The following ASH1L variants were observed in gnomAD, a reference collection of about 807,000 sequenced individuals.
ASH1L encodes histone-lysine N-methyltransferase ASH1L.
In ASH1L, 23 loss-of-function variants were observed where a neutral mutation model predicts 269.0. The observed-to-expected ratio is 0.09, with a 90% CI of 0.06 to 0.12. ASH1L has a LOEUF of 0.12. Among genes scored for constraint, ASH1L ranks in the 10% least tolerant of loss-of-function variants. The pLI, the probability that ASH1L is intolerant of heterozygous loss-of-function variation, is 1.00. For synonymous variants in ASH1L, 1,187 were observed against 1,253.5 expected (o/e 0.95, Z 1.12); for missense variants, 2,912 against 3,567.8 (o/e 0.82, Z 4.68).
At chr1:155,433,341 GCT>G (rs1661766337) in intron 5 of ASH1L, 1 of 1,588,798 alleles carries the variant, frequency 6.3e-7, no homozygotes. Flanking sequence ...GTTGGGTCAG[GCT>G]CTGAGGTGTG....
At chr1:155,459,926 A>C (rs775420752) in intron 3 of ASH1L, 28 bp from the exon 4 acceptor site, 11 of 1,525,926 alleles carry the variant, frequency 7.2e-6, no homozygotes, top group Admixed American at 6.6e-5. Context: ...GATAGAAATC[A>C]TAGGAAAATT....
intron 1 of ASH1L, among the ~76,000 whole-genome samples, chr1:155,527,611 A>G (rs972242764): frequency 7.1e-6 from 1 of 140,746 alleles, no homozygotes; most frequent in Non-Finnish European, 1.5e-5. Flanking sequence ...ATCATAGCTC[A>G]CTGCAGCCTC....
intron 12 of ASH1L, 98 bp downstream of exon 12, chr1:155,370,406 C>T (rs1655838998): frequency 2.6e-6 from 4 of 1,517,428 alleles, no homozygotes; most frequent in South Asian, 2.4e-5. Context: ...GCCTGAGCTG[C>T]TTTGTGTAAG....
intron 4 of ASH1L, among the ~76,000 whole-genome samples, chr1:155,454,945 A>C (rs1663771838): frequency 6.6e-6 from 1 of 152,150 alleles, no homozygotes; most frequent in African/African-American, 2.4e-5. Flanking sequence ...TTGCTCAGTA[A>C]TAAAATTATA....
At chr1:155,562,947 C>G (rs1409287617), upstream of ASH1L, 1 of 456,876 alleles carries the variant, frequency 2.2e-6, no homozygotes, top group Non-Finnish European at 4.4e-6. Flanking sequence ...CCACAATCCC[C>G]CCCGCGGGAC....
chr1:155,542,089 T>C (rs1670459781), intron 1 of ASH1L, among the ~76,000 whole-genome samples: 2 of 152,108 alleles, frequency 1.3e-5, no homozygotes, highest in Admixed American at 6.6e-5. Context: ...AGATCAAAAA[T>C]ATAACTGCAA....
intron 4 of ASH1L, among the ~76,000 whole-genome samples, chr1:155,447,395 A>G (rs1663117595): frequency 6.6e-6 from 1 of 151,962 alleles, no homozygotes; most frequent in African/African-American, 2.4e-5. Flanking sequence ...GAGACTGGCT[A>G]ATTTTTATAT....
rs969219410 is a variant in ASH1L, at chr1:155,556,404, G to A, written c.-100+5749C>T. ...AATATAAATATACATATATATACGT[G>A]TGTGTGTGTGTGTGTGTGTGTGTGT... is the stretch of plus-strand genomic sequence containing the variant. On this transcript the variant is annotated intron_variant, in intron 1 of 27. Transcript: ENST00000392403. 3.7e-4 allele frequency among the ~76,000 whole-genome samples: 5 copies of A among 13,588 alleles called. No individual in the cohort carries two copies. The Non-Finnish European group carries it at 4.5e-3, about 12-fold the overall frequency. 8.9% of individuals were successfully genotyped at this position (13,588 alleles called of 152,430 possible). A position where few individuals can be genotyped will look rare whatever the true frequency, so the allele number is the denominator to read the frequency against.
intron 2 of ASH1L, among the ~76,000 whole-genome samples, chr1:155,504,935 A>G (rs934538910): frequency 2.6e-5 from 4 of 152,118 alleles, no homozygotes; most frequent in African/African-American, 9.7e-5. Context: ...AAATTTCTGA[A>G]ACAGAAAAAT....
At position 155,356,676 on chromosome 1, in the gene ASH1L, C is replaced by T. The variant is rs188468330; in HGVS notation, c.7055+640G>A. ...AAAAAAAACAACAAAAAACCAAGGT[C>T]TTTCCATGTTGCCGAAGATGGTCTT... On this transcript the variant is annotated intron_variant, in intron 15 of 27. Transcript: ENST00000392403. Among the ~76,000 whole-genome samples, 628 of 151,212 alleles carry T rather than the reference C, an allele frequency of 4.2e-3. 4 individuals are homozygous for T. The highest frequency in any genetic ancestry group is 0.012 in the Admixed American group (189 of 15,148).
At chr1:155,512,376 C>G (rs947233859) in intron 2 of ASH1L, among the ~76,000 whole-genome samples, 2 of 150,654 alleles carry the variant, frequency 1.3e-5, no homozygotes, top group African/African-American at 4.9e-5. Context: ...GAGATCACGC[C>G]ACTGCATGCA....
rs1444459492 is a variant in ASH1L, at chr1:155,439,560, C to T, written c.5087-492G>A. Among the ~76,000 whole-genome samples, 3 of 151,994 alleles carry T rather than the reference C, an allele frequency of 2.0e-5. No individual in the cohort carries two copies. The East Asian group carries it at 5.8e-4, about 29-fold the overall frequency. On this transcript the variant is annotated intron_variant, in intron 4 of 27. Coordinates refer to ENST00000392403, the MANE Select transcript of ASH1L (RefSeq NM_018489.3). ...AAACAATATAAAAAAATTAGCCAGG[C>T]ATGCTGGCTGAAACCTATGGTCACA...
intron 25 of ASH1L, among the ~76,000 whole-genome samples, chr1:155,340,246 C>T (rs984833005): frequency 9.2e-5 from 14 of 152,038 alleles, no homozygotes; most frequent in African/African-American, 3.4e-4. Context: ...TACAGTGGTG[C>T]GATCTTGGCT....
chr1:155,473,490 C>CTTTT (rs1198354857), intron 3 of ASH1L, among the ~76,000 whole-genome samples: 6 of 142,350 alleles, frequency 4.2e-5, no homozygotes, highest in African/African-American at 1.7e-4. Flanking sequence ...TGTAGTATTT[C>CTTTT]TATTTTTTTT....
chr1:155,513,861 T>C (rs1668332316), intron 2 of ASH1L, among the ~76,000 whole-genome samples: 1 of 152,178 alleles, frequency 6.6e-6, no homozygotes, highest in Admixed American at 6.5e-5. Flanking sequence ...AAATTAATAG[T>C]TGACAATCAC....
rs920085458 is a variant in ASH1L at position 155,477,954 on chromosome 1, G to A, written c.4916C>T (p.Thr1639Ile). 1 of 1,614,218 alleles carries A rather than the reference G, an allele frequency of 6.2e-7. No homozygotes were observed. The highest frequency in any genetic ancestry group is 8.5e-7 in the Non-Finnish European group (1 of 1,180,032). ...DSPGLFSAQD[T>I]SLNRLHRKES... ...CTTTCTGTGAAGCCGATTTAGTGAA[G>A]TGTCCTGTGCAGAAAAGAGTCCAGG... is the stretch of plus-strand genomic sequence containing the variant. The change falls in exon 3 of 28, where the codon ACT becomes ATT. Residue 1639 changes from threonine to isoleucine, a missense_variant. Thr to Ile is a moderately conservative substitution (Grantham distance 89). Coordinates refer to ENST00000392403, the MANE Select transcript of ASH1L (RefSeq NM_018489.3).
intron 6 of ASH1L, among the ~76,000 whole-genome samples, chr1:155,397,992 A>G (rs1199655599): frequency 1.3e-5 from 2 of 152,366 alleles, no homozygotes; most frequent in African/African-American, 4.8e-5. Context: ...ATTATTTAGT[A>G]CCAAATAACC....
At chr1:155,531,326 AT>A (rs1174053739) in intron 1 of ASH1L, among the ~76,000 whole-genome samples, 2 of 152,126 alleles carry the variant, frequency 1.3e-5, no homozygotes, top group Admixed American at 1.3e-4. Flanking sequence ...CAAAATTTAT[AT>A]GTATAAATGA....
intron 2 of ASH1L, among the ~76,000 whole-genome samples, chr1:155,495,071 T>C (rs1031482096): frequency 5.3e-5 from 8 of 152,192 alleles, no homozygotes; most frequent in Non-Finnish European, 8.8e-5. Flanking sequence ...TTGGAGTCAC[T>C]GGTAATCATG....
Sources: allele counts gnomAD v4.1 joint callset (sites outside exome capture counted in the v4.1 genomes callset), GRCh38; gene constraint gnomAD v4.1.1; transcripts MANE v1.5; gene names NCBI Gene and HGNC (gene_info 2026-07-23, HGNC 2026-07-21).